Variants in RNFT2 observed in about 807,000 individuals in gnomAD.
RNFT2 encodes the protein ring finger protein, transmembrane 2.
Under a neutral mutation model 53.0 loss-of-function variants are expected in RNFT2, and 36 were observed. The observed-to-expected ratio is 0.68, with a 90% CI of 0.52 to 0.90. The LOEUF (loss-of-function observed/expected upper bound fraction) is 0.90. Among genes scored for constraint, RNFT2 ranks in the 40% least tolerant of loss-of-function variants. The pLI, the probability that RNFT2 is intolerant of heterozygous loss-of-function variation, is 0.00. For synonymous variants in RNFT2, 260 were observed against 253.2 expected (o/e 1.03, Z -0.26); for missense variants, 514 against 585.6 (o/e 0.88, Z 1.26).
chr12:116,810,723 G>T (rs1225885019), intron 7 of RNFT2, among the ~76,000 whole-genome samples: 1 of 152,188 alleles, frequency 6.6e-6, no homozygotes, highest in Non-Finnish European at 1.5e-5. Flanking sequence ...AGGCAGCCAG[G>T]CTCCCTGAGG....
chr12:116,780,913 C>T (rs1007783205), intron 7 of RNFT2, among the ~76,000 whole-genome samples: 9 of 152,146 alleles, frequency 5.9e-5, no homozygotes, highest in East Asian at 1.9e-4. Flanking sequence ...CCCAGCCATA[C>T]GCCTCTCCAG....
At chr12:116,753,148 CTTTT>C (rs11377177) in intron 4 of RNFT2, among the ~76,000 whole-genome samples, 2 of 93,690 alleles carry the variant, frequency 2.1e-5, no homozygotes, top group African/African-American at 4.4e-5. Flanking sequence ...TTTTCTTTTT[CTTTT>C]TTTTTTTTTT....
At chr12:116,810,755 T>C (rs903923448) in intron 7 of RNFT2, among the ~76,000 whole-genome samples, 1 of 152,184 alleles carries the variant, frequency 6.6e-6, no homozygotes, top group African/African-American at 2.4e-5. Context: ...GTGTCTACTT[T>C]GGCTCCCTGC....
intron 10 of RNFT2, among the ~76,000 whole-genome samples, chr12:116,840,502 C>A (rs1877195642): frequency 6.6e-6 from 1 of 152,188 alleles, no homozygotes; most frequent in Non-Finnish European, 1.5e-5. Flanking sequence ...CCAGAAATTC[C>A]TGGGAATAGT....
At chr12:116,740,640 C>A in intron 2 of RNFT2, 119 bp downstream of exon 2, 2 of 922,728 alleles carry the variant, frequency 2.2e-6, no homozygotes, top group Non-Finnish European at 3.4e-6. Flanking sequence ...GAATCTGAAC[C>A]CACAGAGGGG....
intron 7 of RNFT2, among the ~76,000 whole-genome samples, chr12:116,786,855 G>A (rs898082857): frequency 3.3e-5 from 5 of 152,218 alleles, no homozygotes; most frequent in South Asian, 4.1e-4. Context: ...TTGCCTCTTC[G>A]GGCTTCTGGT....
In RNFT2 at chr12:116,852,419, G is replaced by A; in HGVS notation, c.*2971G>A. On this transcript the variant is annotated 3_prime_UTR_variant, in exon 11 of 11. Coordinates refer to ENST00000257575, the MANE Select transcript of RNFT2 (RefSeq NM_001382266.1). ...ATCCCTGGCTCTCTCCTGGTACCCA[G>A]CAAGACGTCTGTTCCAGGGCAGTGT... 1 of 1,370,098 alleles carries A rather than the reference G, an allele frequency of 7.3e-7. No individual in the cohort carries two copies. The allele number at this position is 1,370,098 out of a possible 1,614,324, so 84.9% of individuals were successfully genotyped here.
chr12:116,769,344 C>T (rs373438259), intron 6 of RNFT2, among the ~76,000 whole-genome samples: 7 of 152,096 alleles, frequency 4.6e-5, no homozygotes, highest in Admixed American at 1.3e-4. Flanking sequence ...AGTGAGACTC[C>T]GTCTTAAAGT....
chr12:116,825,758 T>C (rs1876295669), intron 7 of RNFT2, among the ~76,000 whole-genome samples: 1 of 152,156 alleles, frequency 6.6e-6, no homozygotes, highest in South Asian at 2.1e-4. Context: ...TATGTGTGTA[T>C]GTATGTGTGT....
At chr12:116,780,068 G>C (rs542396135) in intron 7 of RNFT2, among the ~76,000 whole-genome samples, 2 of 152,294 alleles carry the variant, frequency 1.3e-5, no homozygotes, top group African/African-American at 4.8e-5. Context: ...CATCTTTCAA[G>C]TTCAGAAAGC....
intron 7 of RNFT2, among the ~76,000 whole-genome samples, chr12:116,788,775 G>A: frequency 6.6e-6 from 1 of 151,912 alleles, no homozygotes; most frequent in Non-Finnish European, 1.5e-5. Flanking sequence ...ATATAGGTAG[G>A]TAGATAGATG....
intron 6 of RNFT2, 53 bp from the exon 7 acceptor site, chr12:116,779,139 AGCT>A: frequency 1.3e-6 from 2 of 1,583,598 alleles, no homozygotes; most frequent in Non-Finnish European, 1.7e-6. Context: ...GAGTAGAAGG[AGCT>A]GCTGAGGCCT....
chr12:116,806,397 T>TATATATATAG (rs1166246066), intron 7 of RNFT2, among the ~76,000 whole-genome samples: 22 of 131,650 alleles, frequency 1.7e-4, no homozygotes, highest in South Asian at 5.0e-4. Flanking sequence ...TATATATATA[T>TATATATATAG]ATAGATAGAT....
At chr12:116,788,714 T>A (rs1010852583) in intron 7 of RNFT2, among the ~76,000 whole-genome samples, 1 of 152,184 alleles carries the variant, frequency 6.6e-6, no homozygotes, top group African/African-American at 2.4e-5. Context: ...TGTATGTATG[T>A]AAGTATGTAT....
intron 7 of RNFT2, among the ~76,000 whole-genome samples, chr12:116,819,967 A>G (rs1875922424): frequency 6.6e-6 from 1 of 152,232 alleles, no homozygotes; most frequent in Admixed American, 6.5e-5. Context: ...TATTTAGCCT[A>G]ATGTGTCCAA....
At chr12:116,743,797 G>A (rs1871762109) in intron 3 of RNFT2, among the ~76,000 whole-genome samples, 1 of 152,130 alleles carries the variant, frequency 6.6e-6, no homozygotes, top group Admixed American at 6.5e-5. Flanking sequence ...TATGGTGCCT[G>A]CCTGTTCTGC....
chr12:116,799,151 T>C (rs994139716), intron 7 of RNFT2, among the ~76,000 whole-genome samples: 1 of 152,204 alleles, frequency 6.6e-6, no homozygotes, highest in Non-Finnish European at 1.5e-5. Context: ...CTTGAGGTCC[T>C]CCATCCTTGC....
chr12:116,787,504 G>A (rs1320913566), intron 7 of RNFT2, among the ~76,000 whole-genome samples: 2 of 152,132 alleles, frequency 1.3e-5, no homozygotes, highest in African/African-American at 4.8e-5. Flanking sequence ...CCAAGAGTTT[G>A]AGACTAGCCT....
chr12:116,813,930 T>C lies in RNFT2; in HGVS notation c.883-19862T>C, dbSNP rs1328560880. ...TATATAATGGGGATAGTATTCATGA[T>C]GTGAAGATTAAACAGGACCATACCT... On this transcript the variant is annotated intron_variant, in intron 7 of 10. Transcript: ENST00000257575. Among the ~76,000 whole-genome samples the C allele has an allele frequency of 2.6e-5, 4 of 152,162 alleles. 1 individual carries two copies. The highest frequency in any genetic ancestry group is 5.9e-5 in the Non-Finnish European group (4 of 68,042).
Sources: allele counts gnomAD v4.1 joint callset (sites outside exome capture counted in the v4.1 genomes callset), GRCh38; gene constraint gnomAD v4.1.1; transcripts MANE v1.5; gene names NCBI Gene and HGNC (gene_info 2026-07-23, HGNC 2026-07-21).